LUZP2: variants seen among roughly 807,000 people sequenced by gnomAD.
The protein encoded by LUZP2 is leucine zipper protein 2.
Under a neutral mutation model 51.6 loss-of-function variants are expected in LUZP2, and 52 were observed. The ratio of observed to expected loss-of-function variants is 1.01; its 90% confidence interval spans 0.81 to 1.27. The LOEUF (loss-of-function observed/expected upper bound fraction) is 1.27. Among genes scored for constraint, LUZP2 ranks in the 50% most tolerant of loss-of-function variants. The pLI is 0.00. For missense variants in LUZP2, 436 were observed against 395.4 expected (o/e 1.10, Z -0.87); for synonymous variants, 154 against 137.3 (o/e 1.12, Z -0.85).
At chr11:25,037,276 T>A (rs1436273476) in intron 9 of LUZP2, among the ~76,000 whole-genome samples, 3 of 152,142 alleles carry the variant, frequency 2.0e-5, no homozygotes, top group Admixed American at 1.3e-4. Flanking sequence ...GAATAGCTAT[T>A]TCTGCTCTTT....
At chr11:24,983,536 T>C (rs889589690) in intron 9 of LUZP2, among the ~76,000 whole-genome samples, 1 of 151,766 alleles carries the variant, frequency 6.6e-6, no homozygotes, top group Non-Finnish European at 1.5e-5. Context: ...TCTAATTGTT[T>C]AACACAAAAC....
chr11:24,650,809 G>T (rs561799375), intron 1 of LUZP2, among the ~76,000 whole-genome samples: 5 of 152,066 alleles, frequency 3.3e-5, no homozygotes, highest in African/African-American at 4.8e-5. Flanking sequence ...TTCTTTGTAA[G>T]TTGGAGTTCT....
intron 9 of LUZP2, among the ~76,000 whole-genome samples, chr11:25,030,890 ATT>A (rs1491171989): frequency 6.4e-3 from 64 of 10,044 alleles, no homozygotes; most frequent in East Asian, 0.019. Flanking sequence ...TACTATATAT[ATT>A]ATATATATAT....
intron 5 of LUZP2, among the ~76,000 whole-genome samples, chr11:24,829,469 A>G (rs1850635560): frequency 6.6e-6 from 1 of 152,174 alleles, no homozygotes; most frequent in African/African-American, 2.4e-5. Context: ...CTCAACTTGT[A>G]GTGATATGTA....
intron 5 of LUZP2, among the ~76,000 whole-genome samples, chr11:24,850,463 C>T (rs1389851801): frequency 3.9e-5 from 6 of 152,068 alleles, no homozygotes; most frequent in Non-Finnish European, 7.4e-5. Flanking sequence ...GGCCTCTGTT[C>T]TGTTCCATTG....
At chr11:24,832,478 T>TA (rs1197077306) in intron 5 of LUZP2, among the ~76,000 whole-genome samples, 1 of 151,980 alleles carries the variant, frequency 6.6e-6, no homozygotes, top group Non-Finnish European at 1.5e-5. Flanking sequence ...TTTATAAACA[T>TA]AAAATATATT....
At chr11:24,724,428 T>G (rs1331609173) in intron 1 of LUZP2, among the ~76,000 whole-genome samples, 1 of 151,874 alleles carries the variant, frequency 6.6e-6, no homozygotes, top group African/African-American at 2.4e-5. Flanking sequence ...AAAAATTAGC[T>G]GGGGGTAGTG....
At chr11:25,035,075 C>T (rs1291426729) in intron 9 of LUZP2, among the ~76,000 whole-genome samples, 1 of 152,022 alleles carries the variant, frequency 6.6e-6, no homozygotes, top group Non-Finnish European at 1.5e-5. Context: ...TCCAAAACAA[C>T]ATCATACTGA....
chr11:24,621,862 T>C (rs1279885055), intron 1 of LUZP2, among the ~76,000 whole-genome samples: 2 of 152,212 alleles, frequency 1.3e-5, no homozygotes, highest in South Asian at 2.1e-4. Flanking sequence ...TGGTATGCCT[T>C]GTAGTCTCCT....
chr11:24,664,235 G>A (rs1856134537), intron 1 of LUZP2, among the ~76,000 whole-genome samples: 1 of 152,092 alleles, frequency 6.6e-6, no homozygotes, highest in African/African-American at 2.4e-5. Flanking sequence ...TTGTTAAATG[G>A]CTTTAGCAAA....
chr11:25,056,310 T>C (rs1051581492), intron 10 of LUZP2, among the ~76,000 whole-genome samples: 1 of 152,066 alleles, frequency 6.6e-6, no homozygotes, highest in Non-Finnish European at 1.5e-5. Flanking sequence ...AAAACAGCCA[T>C]TCTGGAATAT....
chr11:24,721,888 C>T (rs1466960398), intron 1 of LUZP2, among the ~76,000 whole-genome samples: 1 of 152,034 alleles, frequency 6.6e-6, no homozygotes, highest in African/African-American at 2.4e-5. Flanking sequence ...TATCTATATA[C>T]TTTTATAAAG....
intron 9 of LUZP2, among the ~76,000 whole-genome samples, chr11:25,019,488 A>C (rs1467655546): frequency 6.6e-6 from 1 of 152,114 alleles, no homozygotes; most frequent in Non-Finnish European, 1.5e-5. Flanking sequence ...CTCCTTATTT[A>C]TGAATTTTTA....
chr11:24,543,805 G>A (rs1424576869), intron 1 of LUZP2, among the ~76,000 whole-genome samples: 3 of 104,806 alleles, frequency 2.9e-5, no homozygotes, highest in East Asian at 6.0e-4. Context: ...CTGGGTGACA[G>A]ACTGAGACTC....
chr11:24,594,047 TAAAG>T (rs1853346260), intron 1 of LUZP2, among the ~76,000 whole-genome samples: 1 of 152,148 alleles, frequency 6.6e-6, no homozygotes, highest in African/African-American at 2.4e-5. Flanking sequence ...TGCTAAAAAA[TAAAG>T]AAACAAGAAT....
intron 1 of LUZP2, among the ~76,000 whole-genome samples, chr11:24,645,892 C>A (rs559147399): frequency 1.3e-5 from 2 of 151,634 alleles, no homozygotes; most frequent in South Asian, 4.2e-4. Context: ...TACATAAAAT[C>A]TCATTAGCTT....
chr11:24,581,104 A>G (rs1032536489), intron 1 of LUZP2, among the ~76,000 whole-genome samples: 1 of 151,862 alleles, frequency 6.6e-6, no homozygotes, highest in Non-Finnish European at 1.5e-5. Context: ...CTAGCAAGTT[A>G]GATCCCTGTA....
chr11:24,667,118 T>C (rs1263764571), intron 1 of LUZP2, among the ~76,000 whole-genome samples: 1 of 152,092 alleles, frequency 6.6e-6, no homozygotes, highest in East Asian at 1.9e-4. Context: ...GAAAACCTCC[T>C]GACTTTTCTT....
chr11:24,506,566 T>C (rs1038639615), intron 1 of LUZP2, among the ~76,000 whole-genome samples: 6 of 152,102 alleles, frequency 3.9e-5, no homozygotes, highest in Non-Finnish European at 4.4e-5. Context: ...TATTGAAGTA[T>C]ATCAAATCCC....
Sources: gnomAD v4.1 joint callset for allele counts (sites outside exome capture counted in the v4.1 genomes callset) on GRCh38, gnomAD v4.1.1 for gene constraint, MANE v1.5 for transcripts, NCBI Gene and HGNC (gene_info 2026-07-23, HGNC 2026-07-21) for gene names.